Variants in PCGF6 observed in about 807,000 individuals in gnomAD.
The protein encoded by PCGF6 is polycomb group RING finger protein 6.
A neutral mutation model predicts 45.5 loss-of-function variants in PCGF6; 24 were observed. That is an observed-to-expected ratio of 0.53 (90% CI 0.38 to 0.74). The LOEUF (loss-of-function observed/expected upper bound fraction) is 0.74, where lower values mean the gene tolerates loss of function less well. Ranked by LOEUF, PCGF6 falls within the 30% of genes least tolerant of loss-of-function variation. The pLI, the probability that PCGF6 is intolerant of heterozygous loss-of-function variation, is 0.00. For synonymous variants in PCGF6, 152 were observed against 162.1 expected (o/e 0.94, Z 0.47); for missense variants, 356 against 443.2 (o/e 0.80, Z 1.77).
intron 6 of PCGF6, among the ~76,000 whole-genome samples, chr10:103,343,812 G>A (rs2093289542): frequency 3.0e-5 from 2 of 66,480 alleles, no homozygotes; most frequent in South Asian, 5.6e-4. Context: ...CAGCCTGGGC[G>A]ACAGAGTAAA....
At chr10:103,344,189 G>C (rs1339625320) in intron 6 of PCGF6, among the ~76,000 whole-genome samples, 1 of 151,622 alleles carries the variant, frequency 6.6e-6, no homozygotes, top group Non-Finnish European at 1.5e-5. Flanking sequence ...TTTCAAGTTT[G>C]GCAAAAACAA....
chr10:103,350,013 G>A (rs1246379020), intron 1 of PCGF6, among the ~76,000 whole-genome samples: 1 of 151,318 alleles, frequency 6.6e-6, no homozygotes, highest in Non-Finnish European at 1.5e-5. Context: ...AACCTGGGAG[G>A]CGGAGGTTGC....
At chr10:103,335,836 G>A (rs750371620) in intron 6 of PCGF6, among the ~76,000 whole-genome samples, 23 of 151,958 alleles carry the variant, frequency 1.5e-4, no homozygotes, top group African/African-American at 4.6e-4. Flanking sequence ...GTGTGGTGGC[G>A]CATGCCTGTA....
chr10:103,347,583 T>C (rs1592079395), intron 3 of PCGF6, 133 bp from the exon 4 acceptor site: 1 of 669,400 alleles, frequency 1.5e-6, no homozygotes, highest in East Asian at 2.7e-5. Context: ...AAGTAGCATT[T>C]ACAGTTCCTA....
intron 7 of PCGF6, among the ~76,000 whole-genome samples, chr10:103,327,231 G>T (rs1211265976): frequency 6.6e-6 from 1 of 152,160 alleles, no homozygotes; most frequent in Non-Finnish European, 1.5e-5. Context: ...GTTGCAGAGA[G>T]CCAAGATCGT....
chr10:103,336,780 C>A (rs1291798248), intron 6 of PCGF6, among the ~76,000 whole-genome samples: 2 of 152,144 alleles, frequency 1.3e-5, no homozygotes, highest in African/African-American at 4.8e-5. Flanking sequence ...GAGGCTGAGG[C>A]AGGAGAATCA....
chr10:103,332,214 G>A (rs1331352624), intron 7 of PCGF6, among the ~76,000 whole-genome samples: 1 of 152,150 alleles, frequency 6.6e-6, no homozygotes, highest in African/African-American at 2.4e-5. Context: ...GTTTTTTCAT[G>A]TGTAAGAACC....
chr10:103,333,930 A>C lies in PCGF6; in HGVS notation c.805T>G (p.Phe269Val). 3.8e-6 allele frequency: 6 copies of C among 1,561,472 alleles called. No individual in the cohort carries two copies. Among genetic ancestry groups the C allele is most frequent in the Non-Finnish European group, 5.2e-6 (6 of 1,158,218 alleles). Residue 269 changes from phenylalanine to valine, a missense_variant, in exon 7 of 10, where the codon TTT becomes GTT. This residue lies in a region of PCGF6 where 307 missense variants were observed against 350.1 expected (regional missense o/e 0.88). Coordinates refer to ENST00000369847, the MANE Select transcript of PCGF6 (RefSeq NM_001011663.2). ...FIGANEGTGH[F>V]KPLEKKFVRV... Reference sequence around the variant, plus strand: ...TGAAAAAAAAAGTAAAATACCTTAAAATGTCCCGTGCCTTCATTAGCACTG... The same window carrying C: ...TGAAAAAAAAAGTAAAATACCTTAACATGTCCCGTGCCTTCATTAGCACTG...
At chr10:103,348,266 T>G in intron 3 of PCGF6, 1 of 155,146 alleles carries the variant, frequency 6.4e-6, no homozygotes, top group South Asian at 2.0e-4. Flanking sequence ...TAGTACATAG[T>G]AAGTGCTCTA....
rs1056365129 is a variant in PCGF6 at position 103,303,576 on chromosome 10, A to C, written c.*329T>G. 3 of 195,374 alleles carry C rather than the reference A, an allele frequency of 1.5e-5. No homozygotes were observed. The highest frequency in any genetic ancestry group is 3.1e-5 in the Non-Finnish European group (3 of 95,638). 12.1% of individuals were successfully genotyped at this position (195,374 alleles called of 1,614,324 possible). Reference sequence around the variant, plus strand: ...GCAGATATCCCAACCACCAACTTGAAATGGCTGAACAAAGAAAACTAACCA... The same window carrying C: ...GCAGATATCCCAACCACCAACTTGACATGGCTGAACAAAGAAAACTAACCA... On this transcript the variant is annotated 3_prime_UTR_variant, in exon 10 of 10. Coordinates refer to ENST00000369847, the MANE Select transcript of PCGF6 (RefSeq NM_001011663.2).
rs577340854 is a variant in PCGF6 at position 103,306,282 on chromosome 10, G to C, written c.997-2321C>G. The stretch of plus-strand genomic sequence containing the variant: ...ACCGCTAATTTTTGTATTTTGAGTA[G>C]AGATGGGGTTTCTCCATGTTGGTCA... On this transcript the variant is annotated intron_variant, in intron 9 of 9. Transcript: ENST00000369847. 3.9e-5 allele frequency among the ~76,000 whole-genome samples: 6 copies of C among 152,224 alleles called. No homozygotes were observed. The East Asian group carries it at 1.2e-3, about 29-fold the overall frequency.
Position 103,347,153 on chromosome 10 carries a change from C to T in PCGF6, c.673+85G>A, listed in dbSNP as rs2093302659. The stretch of plus-strand genomic sequence containing the variant: ...TCTCTCTGATCATATAATAAGCTAC[C>T]CCCAAAAGGAACTTCAAAGGGCATA... On this transcript the variant is annotated intron_variant, in intron 5 of 9. Transcript: ENST00000369847. 5.9e-6 allele frequency: 6 copies of T among 1,010,560 alleles called. No homozygotes were observed. The East Asian group carries it at 7.2e-5, about 12-fold the overall frequency. 62.6% of individuals were successfully genotyped at this position (1,010,560 alleles called of 1,614,324 possible).
chr10:103,325,718 G>C (rs1362938745), intron 8 of PCGF6, among the ~76,000 whole-genome samples: 1 of 152,014 alleles, frequency 6.6e-6, no homozygotes, highest in African/African-American at 2.4e-5. Flanking sequence ...GCCATCAGTG[G>C]CAGTAGGAAA....
intron 6 of PCGF6, among the ~76,000 whole-genome samples, chr10:103,338,170 G>A (rs2093264923): frequency 6.6e-6 from 1 of 151,998 alleles, no homozygotes. Flanking sequence ...GAACCTAGGA[G>A]GCAGAGGTTG....
At chr10:103,320,030 T>C (rs577669492) in intron 8 of PCGF6, among the ~76,000 whole-genome samples, 2 of 152,088 alleles carry the variant, frequency 1.3e-5, no homozygotes, top group South Asian at 4.2e-4. Flanking sequence ...ATGGTCTCCA[T>C]CTCTTGACCT....
chr10:103,339,752 G>A (rs141731476), intron 6 of PCGF6, among the ~76,000 whole-genome samples: 1,896 of 149,102 alleles, frequency 0.013, 46 homozygotes, highest in African/African-American at 0.045. Context: ...AGCCAAGATC[G>A]CGCCACTGCC....
chr10:103,340,753 T>C (rs1219931155), intron 6 of PCGF6, among the ~76,000 whole-genome samples: 1 of 151,956 alleles, frequency 6.6e-6, no homozygotes, highest in Non-Finnish European at 1.5e-5. Flanking sequence ...CATGCCACCA[T>C]GGCCAATTAA....
chr10:103,339,808 AAAACACAC>A (rs1419336400), intron 6 of PCGF6, among the ~76,000 whole-genome samples: 3,547 of 78,000 alleles, frequency 0.045, 285 homozygotes, highest in African/African-American at 0.1. Flanking sequence ...TCTCAAAAAA[AAAACACAC>A]ACACACACAC....
chr10:103,303,073 A>G lies in PCGF6; in HGVS notation c.*832T>C, dbSNP rs936018198. 2 of 152,666 alleles carry G rather than the reference A, an allele frequency of 1.3e-5. No homozygotes were observed. Among genetic ancestry groups the G allele is most frequent in the African/African-American group, 4.8e-5 (2 of 41,474 alleles). 9.5% of individuals were successfully genotyped at this position (152,666 alleles called of 1,614,324 possible). A position where few individuals can be genotyped will look rare whatever the true frequency, so the allele number is the denominator to read the frequency against. Reference sequence around the variant, plus strand: ...TGAAATAATGAGAAAAATAAACATTAAACTGACTTACTAAGAAAACAATGA... The same window carrying G: ...TGAAATAATGAGAAAAATAAACATTGAACTGACTTACTAAGAAAACAATGA... On this transcript the variant is annotated 3_prime_UTR_variant, in exon 10 of 10. Transcript: ENST00000369847.
Sources: gnomAD v4.1 joint callset for allele counts (sites outside exome capture counted in the v4.1 genomes callset) on GRCh38, gnomAD v4.1.1 for gene constraint, gnomAD v4.1.1 regional missense constraint, MANE v1.5 for transcripts, NCBI Gene and HGNC (gene_info 2026-07-23, HGNC 2026-07-21) for gene names.